Variants in GRID1 observed in about 807,000 individuals in gnomAD.
GRID1 encodes the protein glutamate ionotropic receptor delta type subunit 1, also known as glutamate receptor ionotropic, delta-1.
GRID1 carries 28 observed loss-of-function variants against 98.0 expected under a neutral mutation model. The observed-to-expected ratio is 0.29, with a 90% CI of 0.21 to 0.39. The LOEUF (loss-of-function observed/expected upper bound fraction) is 0.39, where lower values mean the gene tolerates loss of function less well. Among genes scored for constraint, GRID1 ranks in the 10% least tolerant of loss-of-function variants. The pLI is 1.00. For missense variants in GRID1, 1,111 were observed against 1,340.5 expected (o/e 0.83, Z 2.67); for synonymous variants, 553 against 538.5 (o/e 1.03, Z -0.37).
intron 8 of GRID1, among the ~76,000 whole-genome samples, chr10:85,805,116 T>C (rs929877898): frequency 4.0e-5 from 6 of 151,134 alleles, no homozygotes; most frequent in Admixed American, 1.3e-4. Flanking sequence ...ACATAATATA[T>C]AGGAATATAA....
chr10:86,025,532 C>T (rs1267627172), intron 4 of GRID1, among the ~76,000 whole-genome samples: 2 of 152,180 alleles, frequency 1.3e-5, no homozygotes, highest in South Asian at 2.1e-4. Flanking sequence ...CTATGTACCA[C>T]GTGCTTTCCA....
rs536334472 is a variant in GRID1 at position 86,166,121 on chromosome 10, T to TA, written c.521-27098_521-27097insT. 4.8e-3 allele frequency among the ~76,000 whole-genome samples: 731 copies of TA among 152,286 alleles called. 5 individuals carry two copies. The highest frequency in any genetic ancestry group is 0.01 in the South Asian group (50 of 4,824). ...TTATATCACTGTCACTATCTTTTTT[T>TA]TTATTATTATACTTTAAGTTCTAGG... On this transcript the variant is annotated intron_variant, in intron 3 of 15. Coordinates refer to ENST00000327946, the MANE Select transcript of GRID1 (RefSeq NM_017551.3).
At chr10:86,239,285 G>C (rs774416649) in intron 2 of GRID1, among the ~76,000 whole-genome samples, 5 of 152,200 alleles carry the variant, frequency 3.3e-5, no homozygotes, top group Non-Finnish European at 7.3e-5. Context: ...TCTTGGAATG[G>C]GTGTATTTAG....
At chr10:85,773,225 C>T (rs1200605749) in intron 8 of GRID1, among the ~76,000 whole-genome samples, 1 of 152,150 alleles carries the variant, frequency 6.6e-6, no homozygotes, top group Non-Finnish European at 1.5e-5. Flanking sequence ...ACAAAAACCA[C>T]ATGATTATCT....
intron 4 of GRID1, among the ~76,000 whole-genome samples, chr10:86,138,592 C>T (rs12782092): frequency 0.21 from 32,499 of 152,264 alleles, 3,675 homozygotes; most frequent in Middle Eastern, 0.32. Flanking sequence ...CCCCACAGCT[C>T]TTCAGAGGCT....
At chr10:86,042,222 CT>C (rs893370012) in intron 4 of GRID1, among the ~76,000 whole-genome samples, 13 of 152,342 alleles carry the variant, frequency 8.5e-5, no homozygotes, top group African/African-American at 2.4e-4. Flanking sequence ...GCAATCCCCC[CT>C]GGGACAGACA....
intron 4 of GRID1, among the ~76,000 whole-genome samples, chr10:86,025,685 A>G (rs1843107580): frequency 6.6e-6 from 1 of 152,192 alleles, no homozygotes; most frequent in African/African-American, 2.4e-5. Context: ...TGAACTTTGA[A>G]CCTGGAGCAG....
intron 4 of GRID1, among the ~76,000 whole-genome samples, chr10:86,043,256 T>C (rs946432182): frequency 1.3e-5 from 2 of 152,148 alleles, no homozygotes; most frequent in Non-Finnish European, 2.9e-5. Flanking sequence ...CTCTCCTCTC[T>C]ACCAGCCCTT....
intron 4 of GRID1, among the ~76,000 whole-genome samples, chr10:86,094,198 A>G (rs1844188553): frequency 1.3e-5 from 2 of 152,250 alleles, no homozygotes; most frequent in Admixed American, 1.3e-4. Flanking sequence ...GACATACCTT[A>G]ATGTAATAAA....
chr10:85,811,660 A>C (rs1842672828), intron 8 of GRID1, among the ~76,000 whole-genome samples: 1 of 152,160 alleles, frequency 6.6e-6, no homozygotes, highest in African/African-American at 2.4e-5. Context: ...AAAAGCAGAC[A>C]AAAAAAGAGA....
intron 2 of GRID1, among the ~76,000 whole-genome samples, chr10:86,281,499 G>A (rs575073527): frequency 1.2e-4 from 18 of 152,280 alleles, no homozygotes; most frequent in African/African-American, 3.4e-4. Flanking sequence ...CTGGGCAGGC[G>A]GTTGTGCCTA....
chr10:85,873,312 T>C (rs1326704324), intron 5 of GRID1, among the ~76,000 whole-genome samples: 1 of 152,184 alleles, frequency 6.6e-6, no homozygotes, highest in Admixed American at 6.5e-5. Context: ...CCTCCAGTAG[T>C]GCAGCCAATG....
intron 8 of GRID1, among the ~76,000 whole-genome samples, chr10:85,757,517 C>T (rs946832768): frequency 4.6e-5 from 7 of 152,236 alleles, no homozygotes; most frequent in African/African-American, 1.7e-4. Context: ...GGTGGTCTTA[C>T]AAACATTCAA....
At chr10:85,743,388 A>G (rs1803912459) in intron 8 of GRID1, among the ~76,000 whole-genome samples, 1 of 152,204 alleles carries the variant, frequency 6.6e-6, no homozygotes, top group Non-Finnish European at 1.5e-5. Context: ...AATTTCTGAC[A>G]TACAGAATCC....
chr10:85,860,795 C>A, intron 6 of GRID1, among the ~76,000 whole-genome samples: 1 of 152,152 alleles, frequency 6.6e-6, no homozygotes, highest in East Asian at 1.9e-4. Context: ...AGTAGATCTC[C>A]ACTAGCATCC....
intron 4 of GRID1, among the ~76,000 whole-genome samples, chr10:86,099,698 G>A (rs1844268079): frequency 6.6e-6 from 1 of 152,166 alleles, no homozygotes; most frequent in South Asian, 2.1e-4. Flanking sequence ...AGGGGCCTAT[G>A]CTTTTCCTGA....
intron 6 of GRID1, among the ~76,000 whole-genome samples, chr10:85,865,608 A>AT (rs553027143): frequency 1.4e-4 from 21 of 150,342 alleles, no homozygotes; most frequent in East Asian, 3.9e-4. Context: ...CCATGACATA[A>AT]TTTTTTTTTT....
chr10:85,692,437 G>A (rs1200863965), intron 12 of GRID1, among the ~76,000 whole-genome samples: 1 of 152,064 alleles, frequency 6.6e-6, no homozygotes, highest in Admixed American at 6.5e-5. Context: ...TGAGGTGGGT[G>A]GATTGCGTGA....
In GRID1 at chr10:86,119,191, C is replaced by T. The variant is rs12258338; in HGVS notation, c.726+19628G>A. 6.5e-3 allele frequency among the ~76,000 whole-genome samples: 995 copies of T among 151,992 alleles called. 15 individuals are homozygous for T. Among genetic ancestry groups the T allele is most frequent in the African/African-American group, 0.023 (957 of 41,472 alleles). On this transcript the variant is annotated intron_variant, in intron 4 of 15. Coordinates refer to ENST00000327946, the MANE Select transcript of GRID1 (RefSeq NM_017551.3). ...CTCTACAAAAAATACAAAAATTATCCGGGCATGGTGGTGTGTACCTGTAGT... is the reference window on the plus strand; with the variant it reads ...CTCTACAAAAAATACAAAAATTATCTGGGCATGGTGGTGTGTACCTGTAGT...
Sources: allele counts gnomAD v4.1 joint callset (sites outside exome capture counted in the v4.1 genomes callset), GRCh38; gene constraint gnomAD v4.1.1; transcripts MANE v1.5; gene names NCBI Gene and HGNC (gene_info 2026-07-23, HGNC 2026-07-21).